The following SATL1 variants were observed in gnomAD, a reference collection of about 807,000 sequenced individuals.
The protein encoded by SATL1 is spermidine/spermine N1-acetyl transferase like 1, also known as spermidine/spermine N(1)-acetyltransferase-like protein 1.
A neutral mutation model predicts 51.8 loss-of-function variants in SATL1; 47 were observed. The ratio of observed to expected loss-of-function variants is 0.91; its 90% CI spans 0.72 to 1.16. The LOEUF (loss-of-function observed/expected upper bound fraction) is 1.16. SATL1 is among the 50% of genes most tolerant of loss of function. SATL1 has a pLI of 0.00. For missense variants in SATL1, 520 were observed against 526.4 expected, an observed-to-expected ratio of 0.99 and a Z score of 0.12; for synonymous variants, 176 against 182.4, an observed-to-expected ratio of 0.97 and a Z score of 0.28.
rs746366928 is a variant in SATL1, at chrX:85,150,302, C to T, written c.-312-41022G>A. Among the ~76,000 whole-genome samples, 8 of 111,409 alleles carry T rather than the reference C, an allele frequency of 7.2e-5. No individual in the cohort carries two copies. In the East Asian group the frequency reaches 8.4e-4, roughly 12 times the overall value. Reference sequence around the variant, plus strand: ...TCTCTGAATAGATGAATAATAGGCTCTGAAATTGTGGCAATAATCAATAGC... The same window carrying T: ...TCTCTGAATAGATGAATAATAGGCTTTGAAATTGTGGCAATAATCAATAGC... On this transcript the variant is annotated intron_variant, in intron 2 of 7. Coordinates refer to ENST00000644105, the MANE Select transcript of SATL1 (RefSeq NM_001367857.2).
chrX:85,133,678 A>G (rs1407129855), intron 2 of SATL1, among the ~76,000 whole-genome samples: 1 of 111,460 alleles, frequency 9.0e-6, no homozygotes, highest in African/African-American at 3.3e-5. Context: ...ACCAGTCCCA[A>G]TGAGATGAAC....
intron 2 of SATL1, among the ~76,000 whole-genome samples, chrX:85,129,951 A>C (rs1569232887): frequency 9.0e-6 from 1 of 111,702 alleles, no homozygotes; most frequent in Non-Finnish European, 1.9e-5. Flanking sequence ...GATTATGTTT[A>C]TTTATTTGTG....
chrX:85,177,884 C>G (rs1304330999), intron 2 of SATL1, among the ~76,000 whole-genome samples: 1 of 110,505 alleles, frequency 9.0e-6, no homozygotes, highest in East Asian at 2.9e-4. Flanking sequence ...ATGGATTGTT[C>G]CAGTGAGGTG....
At position 85,203,733 on chromosome X, in the gene SATL1, T is replaced by A. The variant is rs966803525; in HGVS notation, c.-313+20472A>T. Among the ~76,000 whole-genome samples, 3 of 112,727 alleles carry A rather than the reference T, an allele frequency of 2.7e-5. No homozygotes were observed. In the East Asian group the frequency reaches 8.4e-4, roughly 32 times the overall value. ...ACTCTCCAAAGCCTGAAGGCTGGAATGGCTAAGGTACCTGAACAGCAAAGA... is the reference window on the plus strand; with the variant it reads ...ACTCTCCAAAGCCTGAAGGCTGGAAAGGCTAAGGTACCTGAACAGCAAAGA... On this transcript the variant is annotated intron_variant, in intron 2 of 7. Transcript: ENST00000644105.
intron 4 of SATL1, among the ~76,000 whole-genome samples, chrX:85,099,841 A>G (rs753518235): frequency 8.9e-6 from 1 of 112,511 alleles, no homozygotes; most frequent in Non-Finnish European, 1.9e-5. Context: ...AAAGATTCCC[A>G]CTTTCACCAC....
chrX:85,239,344 G>A (rs1928540407), intron 1 of SATL1, among the ~76,000 whole-genome samples: 1 of 111,051 alleles, frequency 9.0e-6, no homozygotes, highest in South Asian at 3.7e-4. Flanking sequence ...TACTGAAAAT[G>A]ACAAAACACT....
intron 2 of SATL1, among the ~76,000 whole-genome samples, chrX:85,141,275 C>G (rs745776093): frequency 8.9e-6 from 1 of 112,044 alleles, no homozygotes; most frequent in Non-Finnish European, 1.9e-5. Context: ...GTAATTAACA[C>G]TCCCAGCCTC....
At chrX:85,149,923 A>G (rs1367401258) in intron 2 of SATL1, among the ~76,000 whole-genome samples, 1 of 111,765 alleles carries the variant, frequency 8.9e-6, no homozygotes, top group Non-Finnish European at 1.9e-5. Context: ...GCAAGAGCGA[A>G]CACATTCAAA....
At chrX:85,211,694 T>C (rs1368245570) in intron 2 of SATL1, 1 of 111,321 alleles carries the variant, frequency 9.0e-6, no homozygotes, top group Non-Finnish European at 1.9e-5. Flanking sequence ...AATTTGCACT[T>C]ACTCTTCAGT....
chrX:85,109,578 A>T lies in SATL1; in HGVS notation c.-312-298T>A, dbSNP rs770560666. Among the ~76,000 whole-genome samples, 6 of 110,639 alleles carry T rather than the reference A, an allele frequency of 5.4e-5. No individual in the cohort carries two copies. The South Asian group carries it at 2.3e-3, about 42-fold the overall frequency. The stretch of plus-strand genomic sequence containing the variant: ...AGCCAATTCAAAGAAACTTGCCGCA[A>T]CTCCCCTCCCTTTCCCTTCATCCCA... On this transcript the variant is annotated intron_variant, in intron 2 of 7. Coordinates refer to ENST00000644105, the MANE Select transcript of SATL1 (RefSeq NM_001367857.2).
intron 2 of SATL1, among the ~76,000 whole-genome samples, chrX:85,136,628 T>C (rs1925962506): frequency 8.9e-6 from 1 of 111,811 alleles, no homozygotes; most frequent in African/African-American, 3.3e-5. Context: ...AAGTTATATA[T>C]AACCTTGGTG....
chrX:85,104,592 T>G (rs1437838181), intron 3 of SATL1, among the ~76,000 whole-genome samples: 1 of 110,912 alleles, frequency 9.0e-6, no homozygotes, highest in Non-Finnish European at 1.9e-5. Flanking sequence ...CCTTTTATCA[T>G]ATACTACATC....
chrX:85,213,335 G>C (rs1415906364), intron 2 of SATL1, among the ~76,000 whole-genome samples: 4 of 111,924 alleles, frequency 3.6e-5, no homozygotes, highest in Non-Finnish European at 1.9e-5. Context: ...GCTAATTACT[G>C]ATCACTAGCT....
intron 2 of SATL1, among the ~76,000 whole-genome samples, chrX:85,221,519 A>G (rs1391903103): frequency 9.0e-6 from 1 of 111,419 alleles, no homozygotes; most frequent in African/African-American, 3.3e-5. Context: ...CAATTTCTTC[A>G]CTTACTTCAC....
At chrX:85,185,921 G>A (rs1439753951) in intron 2 of SATL1, among the ~76,000 whole-genome samples, 2 of 110,218 alleles carry the variant, frequency 1.8e-5, no homozygotes, top group Admixed American at 9.7e-5. Context: ...ATCACAGCTG[G>A]GCATGTGCTG....
At chrX:85,186,691 T>C (rs1316342116) in intron 2 of SATL1, among the ~76,000 whole-genome samples, 1 of 112,017 alleles carries the variant, frequency 8.9e-6, no homozygotes, top group African/African-American at 3.2e-5. Context: ...CTTCAGCATA[T>C]GGTAGCTGCT....
At chrX:85,172,982 G>A (rs756908592) in intron 2 of SATL1, among the ~76,000 whole-genome samples, 12 of 111,320 alleles carry the variant, frequency 1.1e-4, no homozygotes, top group Non-Finnish European at 2.1e-4. Flanking sequence ...TTCTTGCCAT[G>A]TTAGTTAATA....
chrX:85,196,569 G>A (rs1180663887), intron 2 of SATL1, among the ~76,000 whole-genome samples: 1 of 111,746 alleles, frequency 8.9e-6, no homozygotes. Context: ...ATGTAATTAA[G>A]ACAGCGAAGT....
intron 1 of SATL1, among the ~76,000 whole-genome samples, chrX:85,232,533 G>T (rs1928402423): frequency 9.0e-6 from 1 of 111,602 alleles, no homozygotes; most frequent in Non-Finnish European, 1.9e-5. Flanking sequence ...GTCATTTCTA[G>T]ACTTATATTG....
Sources: gnomAD v4.1 joint callset for allele counts (sites outside exome capture counted in the v4.1 genomes callset) on GRCh38, gnomAD v4.1.1 for gene constraint, MANE v1.5 for transcripts, NCBI Gene and HGNC (gene_info 2026-07-23, HGNC 2026-07-21) for gene names.